SLC25A48: variants seen among roughly 807,000 people sequenced by gnomAD.
SLC25A48 encodes the protein CTC-321K16.1.
Under a neutral mutation model 32.2 loss-of-function variants are expected in SLC25A48, and 29 were observed. The ratio of observed to expected loss-of-function variants is 0.90; its 90% CI spans 0.67 to 1.23. The LOEUF is 1.23. Ranked by LOEUF, SLC25A48 falls within the 50% of genes most tolerant of loss-of-function variation. The probability of loss-of-function intolerance (pLI) is 0.00; values close to 1 mark genes in which losing one functional copy is unlikely to be tolerated. For synonymous variants in SLC25A48, 164 were observed against 172.3 expected, an observed-to-expected ratio of 0.95 and a Z score of 0.38; for missense variants, 399 against 422.7, an observed-to-expected ratio of 0.94 and a Z score of 0.49.
At chr5:135,792,982 G>A (rs9637925) in intron 3 of SLC25A48, among the ~76,000 whole-genome samples, 99,138 of 150,972 alleles carry the variant, frequency 0.66, 34,450 homozygotes, top group Non-Finnish European at 0.78. Flanking sequence ...GTACACCCTG[G>A]GATATTATGC....
At chr5:135,636,957 G>A (rs373648680) in intron 3 of SLC25A48, among the ~76,000 whole-genome samples, 129 of 151,220 alleles carry the variant, frequency 8.5e-4, no homozygotes, top group African/African-American at 2.9e-3. Context: ...GGATAGAGAG[G>A]AAGAGTGGGT....
intron 4 of SLC25A48, among the ~76,000 whole-genome samples, chr5:135,868,796 A>C (rs1472053804): frequency 6.6e-6 from 1 of 152,144 alleles, no homozygotes; most frequent in Non-Finnish European, 1.5e-5. Flanking sequence ...GTGTTTTTGC[A>C]ACATCTGCAC....
intron 3 of SLC25A48, among the ~76,000 whole-genome samples, chr5:135,694,554 A>C (rs1433945190): frequency 2.0e-5 from 3 of 152,118 alleles, no homozygotes; most frequent in Non-Finnish European, 4.4e-5. Flanking sequence ...AGCCACGTGG[A>C]AGCCACATTG....
chr5:135,874,258 G>T lies in SLC25A48; in HGVS notation c.813+104G>T. 2.3e-6 allele frequency: 3 copies of T among 1,300,046 alleles called. No individual in the cohort carries two copies. The Admixed American group carries it at 1.1e-4, about 46-fold the overall frequency. The allele number at this position is 1,300,046 out of a possible 1,614,324, so 80.5% of individuals were successfully genotyped here. Reference sequence around the variant, plus strand: ...AGAGAAGGGAATCAGGAGACCAGGGGGCTGCTGGTGATTATGTATCAGGTG... The same window carrying T: ...AGAGAAGGGAATCAGGAGACCAGGGTGCTGCTGGTGATTATGTATCAGGTG... On this transcript the variant is annotated intron_variant, in intron 6 of 7. Transcript: ENST00000681962.
intron 1 of SLC25A48, among the ~76,000 whole-genome samples, chr5:135,835,326 A>C (rs1367384273): frequency 6.6e-6 from 1 of 151,748 alleles, no homozygotes; most frequent in African/African-American, 2.4e-5. Context: ...CCAGGCTTCG[A>C]GATTAGGCCG....
At chr5:135,635,778 A>G (rs149079333) in intron 3 of SLC25A48, among the ~76,000 whole-genome samples, 1 of 152,358 alleles carries the variant, frequency 6.6e-6, no homozygotes, top group Non-Finnish European at 1.5e-5. Flanking sequence ...ACGAGAAAGT[A>G]TGAGCCAGAT....
chr5:135,688,637 C>T (rs1011889206), intron 3 of SLC25A48, among the ~76,000 whole-genome samples: 23 of 152,168 alleles, frequency 1.5e-4, no homozygotes, highest in East Asian at 3.8e-4. Context: ...AAGGCTAAAA[C>T]GCCAACACTC....
intron 3 of SLC25A48, among the ~76,000 whole-genome samples, chr5:135,755,503 G>A (rs566372543): frequency 2.0e-5 from 3 of 151,258 alleles, no homozygotes; most frequent in South Asian, 2.1e-4. Context: ...GTGTTGATGC[G>A]CTATGGTATT....
In SLC25A48 at chr5:135,888,145, G is replaced by T. The variant is rs146520819; in HGVS notation, c.*121G>T. ...TCCAAGTGGACATCAATTAGCAAGC[G>T]TGGGCTAGGATGGTGCAGACACTGA... is the stretch of plus-strand genomic sequence containing the variant. On this transcript the variant is annotated 3_prime_UTR_variant, in exon 8 of 8. Transcript: ENST00000681962. 6 of 1,513,860 alleles carry T rather than the reference G, an allele frequency of 4.0e-6. No individual in the cohort carries two copies. Among genetic ancestry groups the T allele is most frequent in the Non-Finnish European group, 5.4e-6 (6 of 1,113,992 alleles). The allele number at this position is 1,513,860 out of a possible 1,614,324, so 93.8% of individuals were successfully genotyped here.
At chr5:135,624,276 A>G (rs7725225) in intron 1 of SLC25A48, among the ~76,000 whole-genome samples, 10,445 of 152,256 alleles carry the variant, frequency 0.069, 373 homozygotes, top group South Asian at 0.15. Context: ...ATCTAGAGGC[A>G]GGCGAGCAAA....
intron 4 of SLC25A48, among the ~76,000 whole-genome samples, chr5:135,865,410 G>A (rs958406685): frequency 2.0e-5 from 3 of 152,188 alleles, no homozygotes; most frequent in Non-Finnish European, 4.4e-5. Context: ...CAGCCTGTCT[G>A]CTGGAGGATG....
At chr5:135,878,541 C>G (rs551444563) in intron 6 of SLC25A48, among the ~76,000 whole-genome samples, 1 of 152,308 alleles carries the variant, frequency 6.6e-6, no homozygotes, top group East Asian at 1.9e-4. Flanking sequence ...TCCATCAGCC[C>G]CTTTCCCAGG....
chr5:135,816,646 G>C, intron 4 of SLC25A48, among the ~76,000 whole-genome samples: 1 of 152,332 alleles, frequency 6.6e-6, no homozygotes, highest in East Asian at 1.9e-4. Flanking sequence ...AAATGAGACT[G>C]TTAAAAGTTG....
chr5:135,595,837 T>TCATA (rs1489926877), intron 1 of SLC25A48, among the ~76,000 whole-genome samples: 1 of 152,228 alleles, frequency 6.6e-6, no homozygotes, highest in African/African-American at 2.4e-5. Flanking sequence ...ACTGTCATTA[T>TCATA]CATAATTCAC....
intron 3 of SLC25A48, among the ~76,000 whole-genome samples, chr5:135,672,049 A>G (rs1285817129): frequency 6.6e-6 from 1 of 152,176 alleles, no homozygotes; most frequent in Non-Finnish European, 1.5e-5. Flanking sequence ...TGATTTTCAA[A>G]CCAAAATTGG....
At chr5:135,682,869 T>C (rs1349537251) in intron 3 of SLC25A48, among the ~76,000 whole-genome samples, 2 of 152,210 alleles carry the variant, frequency 1.3e-5, no homozygotes, top group African/African-American at 4.8e-5. Flanking sequence ...TGTAATTCTA[T>C]CCATGGTCTT....
At chr5:135,863,381 G>C (rs1375792964) in intron 4 of SLC25A48, among the ~76,000 whole-genome samples, 2 of 152,180 alleles carry the variant, frequency 1.3e-5, no homozygotes, top group African/African-American at 2.4e-5. Flanking sequence ...GCACCTGGAA[G>C]CATCAGGGCT....
chr5:135,579,535 C>T (rs1018547297), exon 1 of SLC25A48: 3 of 152,392 alleles, frequency 2.0e-5, no homozygotes, highest in Non-Finnish European at 4.4e-5. Flanking sequence ...TGGACAGGGG[C>T]TTGTCATAGA....
intron 1 of SLC25A48, among the ~76,000 whole-genome samples, chr5:135,598,688 T>C (rs541904013): frequency 6.6e-6 from 1 of 152,160 alleles, no homozygotes; most frequent in South Asian, 2.1e-4. Context: ...TGAATATTCA[T>C]AAAGAGGGAC....
Sources: allele counts gnomAD v4.1 joint callset (sites outside exome capture counted in the v4.1 genomes callset), GRCh38; gene constraint gnomAD v4.1.1; transcripts MANE v1.5; gene names NCBI Gene and HGNC (gene_info 2026-07-23, HGNC 2026-07-21).